Variants in THOC5 observed in about 807,000 individuals in gnomAD.
THOC5 encodes THO complex subunit 5.
In THOC5, 43 loss-of-function variants were observed where a neutral mutation model predicts 92.9. That is an observed-to-expected ratio of 0.46 (90% CI 0.36 to 0.60). The LOEUF is 0.60. Among genes scored for constraint, THOC5 ranks in the 20% least tolerant of loss-of-function variants. The probability of loss-of-function intolerance (pLI) is 0.00; values close to 1 mark genes in which losing one functional copy is unlikely to be tolerated. For missense variants in THOC5, 659 were observed against 849.4 expected (o/e 0.78, Z 2.79); for synonymous variants, 296 against 320.1 (o/e 0.92, Z 0.80).
At chr22:29,549,556 C>T (rs1354675558) in intron 1 of THOC5, among the ~76,000 whole-genome samples, 1 of 152,220 alleles carries the variant, frequency 6.6e-6, no homozygotes, top group Non-Finnish European at 1.5e-5. Context: ...ACTACTCTAA[C>T]AGTCTTGCCC....
chr22:29,546,837 T>C (rs918614966), intron 2 of THOC5, among the ~76,000 whole-genome samples: 6 of 150,916 alleles, frequency 4.0e-5, no homozygotes, highest in African/African-American at 7.3e-5. Flanking sequence ...AGTACCCAAG[T>C]CACTTCTTTT....
In THOC5 at chr22:29,536,659, T is replaced by G. The variant is rs2063765704; in HGVS notation, c.679A>C (p.Ser227Arg). Reference sequence around the variant, plus strand: ...CTGTTGAGGCGGGGCTGGAGGCTGCTCAGGTACTCCTTCTTCACCTCAATC... The same window carrying G: ...CTGTTGAGGCGGGGCTGGAGGCTGCGCAGGTACTCCTTCTTCACCTCAATC... The part of the protein sequence containing the change: ...KEIEVKKEYL[S>R]SLQPRLNSIM... The change falls in exon 7 of 20, where the codon AGC becomes CGC. Residue 227 changes from serine to arginine, a missense_variant. Ser to Arg is a moderately radical substitution (Grantham distance 110, BLOSUM62 -1). Coordinates refer to ENST00000490103, the MANE Select transcript of THOC5 (RefSeq NM_003678.5). The G allele has an allele frequency of 6.2e-7, 1 of 1,613,658 alleles. No individual in the cohort carries two copies. The highest frequency in any genetic ancestry group is 1.3e-5 in the African/African-American group (1 of 74,938).
At chr22:29,532,839 GT>G (rs1280878283) in intron 7 of THOC5, among the ~76,000 whole-genome samples, 2 of 152,066 alleles carry the variant, frequency 1.3e-5, no homozygotes, top group African/African-American at 4.8e-5. Context: ...TTGGCCAAGT[GT>G]GGGGGCACGC....
intron 17 of THOC5, among the ~76,000 whole-genome samples, chr22:29,513,077 G>A (rs909339584): frequency 2.6e-5 from 4 of 152,154 alleles, no homozygotes; most frequent in Non-Finnish European, 4.4e-5. Context: ...TGTGGCTGGC[G>A]CGGTGGCTCA....
chr22:29,519,284 G>A (rs1013035877), intron 14 of THOC5, among the ~76,000 whole-genome samples, 164 bp from the exon 15 acceptor site: 21 of 152,204 alleles, frequency 1.4e-4, no homozygotes, highest in Non-Finnish European at 2.2e-4. Context: ...CAGGCCAGAC[G>A]CTGAGTCCTG....
At chr22:29,544,955 T>A in intron 2 of THOC5, 1 of 315,948 alleles carries the variant, frequency 3.2e-6, no homozygotes, top group Non-Finnish European at 6.2e-6. Context: ...GGGATCATAC[T>A]GTCCGTGCTG....
chr22:29,512,677 C>T (rs2063248377), intron 17 of THOC5, among the ~76,000 whole-genome samples: 1 of 152,184 alleles, frequency 6.6e-6, no homozygotes, highest in African/African-American at 2.4e-5. Context: ...TTTATTTCAT[C>T]CTAACAATAA....
Position 29,506,710 on chromosome 22 carries a change from G to A in THOC5, c.*1747C>T, listed in dbSNP as rs79963234. On this transcript the variant is annotated 3_prime_UTR_variant, in exon 20 of 20. Transcript: ENST00000490103. The stretch of plus-strand genomic sequence containing the variant: ...AAATATTCTCCTCAAATGTTACCTG[G>A]TCTCACTGTCCTGTATCTCTGTATG... The A allele has an allele frequency of 0.052, 7,915 of 152,188 alleles. 308 individuals are homozygous for A. The highest frequency in any genetic ancestry group is 0.072 in the Non-Finnish European group (4,924 of 68,078). 9.4% of individuals were successfully genotyped at this position (152,188 alleles called of 1,614,324 possible).
At chr22:29,523,524 G>A (rs1374494522) in intron 12 of THOC5, among the ~76,000 whole-genome samples, 3 of 152,124 alleles carry the variant, frequency 2.0e-5, no homozygotes, top group Admixed American at 6.5e-5. Context: ...CAGGTAGAAA[G>A]ACGAACACGT....
chr22:29,508,345 A>T lies in THOC5; in HGVS notation c.*112T>A. 1.7e-6 allele frequency: 2 copies of T among 1,177,408 alleles called. No individual in the cohort carries two copies. The highest frequency in any genetic ancestry group is 2.5e-6 in the Non-Finnish European group (2 of 815,530). 72.9% of individuals were successfully genotyped at this position (1,177,408 alleles called of 1,614,324 possible). A position where few individuals can be genotyped will look rare whatever the true frequency, so the allele number is the denominator to read the frequency against. On this transcript the variant is annotated 3_prime_UTR_variant, in exon 20 of 20. Transcript: ENST00000490103. ...GGCCACTGGTCAGGTGACGCTTTTT[A>T]ATTGGCTGGTGTCTTTGGAGAATAT...
chr22:29,510,470 T>C (rs989722397), intron 19 of THOC5, among the ~76,000 whole-genome samples: 2 of 152,134 alleles, frequency 1.3e-5, no homozygotes, highest in Non-Finnish European at 2.9e-5. Context: ...TGGCGGTGCA[T>C]GTCTGTGGTC....
At chr22:29,536,932 G>A (rs2063772027) in intron 6 of THOC5, among the ~76,000 whole-genome samples, 194 bp from the exon 7 acceptor site, 1 of 152,218 alleles carries the variant, frequency 6.6e-6, no homozygotes, top group African/African-American at 2.4e-5. Context: ...AAAGACCCTG[G>A]AAGACAGGGA....
rs200913529 is a variant in THOC5 at position 29,543,398 on chromosome 22, G to A, written c.354+31C>T. On this transcript the variant is annotated intron_variant, in intron 4 of 19. Coordinates refer to ENST00000490103, the MANE Select transcript of THOC5 (RefSeq NM_003678.5). ...GAAGGGGATGGGGAGGAGGAAGGAG[G>A]AAGGTTAAAATTAAACCTTTTAACT... The A allele has an allele frequency of 5.2e-6, 7 of 1,343,018 alleles. No individual in the cohort carries two copies. The East Asian group carries it at 1.1e-4, about 22-fold the overall frequency. The allele number at this position is 1,343,018 out of a possible 1,614,324, so 83.2% of individuals were successfully genotyped here.
At chr22:29,549,015 A>G in intron 2 of THOC5, 37 bp downstream of exon 2, 1 of 1,603,670 alleles carries the variant, frequency 6.2e-7, no homozygotes, top group African/African-American at 1.3e-5. Context: ...CATGAGATGT[A>G]ATTTCTCAGC....
intron 6 of THOC5, among the ~76,000 whole-genome samples, chr22:29,538,895 G>A (rs1428982301): frequency 6.7e-6 from 1 of 149,260 alleles, no homozygotes; most frequent in African/African-American, 2.5e-5. Flanking sequence ...CAGATCACTT[G>A]AGGTCAGGAG....
chr22:29,549,262 T>A lies in THOC5; in HGVS notation c.-11-104A>T, dbSNP rs5763320. 83 of 951,654 alleles carry A rather than the reference T, an allele frequency of 8.7e-5. No homozygotes were observed. In the East Asian group the frequency reaches 2.1e-3, roughly 24 times the overall value. 59.0% of individuals were successfully genotyped at this position (951,654 alleles called of 1,614,324 possible). A position where few individuals can be genotyped will look rare whatever the true frequency, so the allele number is the denominator to read the frequency against. On this transcript the variant is annotated intron_variant, in intron 1 of 19. Transcript: ENST00000490103. ...GACTTGGTAACTCAAGGAAAGTCAT[T>A]TAACCCCTCAAAGCCTCAATTTAAC... is the stretch of plus-strand genomic sequence containing the variant.
chr22:29,511,202 A>C lies in THOC5; in HGVS notation c.1892T>G (p.Val631Gly). Residue 631 changes from valine to glycine, a missense_variant, in exon 19 of 20, where the codon GTG (valine) becomes GGG (glycine). Transcript: ENST00000490103. The stretch of plus-strand genomic sequence containing the variant: ...GGTCTCCAGGTAAACATCCAGCAGC[A>C]CACACAGCCGCTGCAGCTGGTTGGT... ...LLTNQLQRLC[V>G]LLDVYLETES... 3 of 1,614,216 alleles carry C rather than the reference A, an allele frequency of 1.9e-6. No individual in the cohort carries two copies. Among genetic ancestry groups the C allele is most frequent in the Non-Finnish European group, 2.5e-6 (3 of 1,180,032 alleles).
chr22:29,538,778 T>C (rs1022863130), intron 6 of THOC5, among the ~76,000 whole-genome samples: 2 of 106,228 alleles, frequency 1.9e-5, no homozygotes, highest in African/African-American at 7.6e-5. Flanking sequence ...TCCTGAGCAA[T>C]AGAGTGAAAC....
intron 12 of THOC5, among the ~76,000 whole-genome samples, chr22:29,521,845 G>A (rs1206028745): frequency 6.6e-6 from 1 of 152,064 alleles, no homozygotes; most frequent in Non-Finnish European, 1.5e-5. Flanking sequence ...GAACCAAAGG[G>A]GGTTCTCCTT....
Sources: gnomAD v4.1 joint callset for allele counts (sites outside exome capture counted in the v4.1 genomes callset) on GRCh38, gnomAD v4.1.1 for gene constraint, MANE v1.5 for transcripts, NCBI Gene and HGNC (gene_info 2026-07-23, HGNC 2026-07-21) for gene names.